The following DMXL1 variants were observed in gnomAD, a reference collection of about 807,000 sequenced individuals.
DMXL1 encodes the protein dmX-like protein 1.
DMXL1 carries 99 observed loss-of-function variants against 319.2 expected under a neutral mutation model. That is an observed-to-expected ratio of 0.31 (90% confidence interval 0.26 to 0.37). The LOEUF (loss-of-function observed/expected upper bound fraction) is 0.37. Among genes scored for constraint, DMXL1 ranks in the 10% least tolerant of loss-of-function variants. DMXL1 has a pLI of 1.00. For missense variants in DMXL1, 3,745 were observed against 3,595.6 expected, an observed-to-expected ratio of 1.04 and a Z score of -1.06; for synonymous variants, 1,385 against 1,235.2, an observed-to-expected ratio of 1.12 and a Z score of -2.54.
chr5:119,198,458 T>G (rs1209343116), intron 32 of DMXL1, among the ~76,000 whole-genome samples: 1 of 152,240 alleles, frequency 6.6e-6, no homozygotes, highest in African/African-American at 2.4e-5. Context: ...AGGCTAGATT[T>G]GGACTGTGAG....
chr5:119,194,071 A>T, intron 30 of DMXL1, 101 bp downstream of exon 30: 3 of 743,636 alleles, frequency 4.0e-6, no homozygotes, highest in Non-Finnish European at 5.9e-6. Context: ...TGTTGACTTT[A>T]TAACACATTA....
At chr5:119,094,580 C>G (rs2149763132) in intron 1 of DMXL1, among the ~76,000 whole-genome samples, 1 of 152,270 alleles carries the variant, frequency 6.6e-6, no homozygotes, top group East Asian at 1.9e-4. Context: ...AGAAATGCTT[C>G]CAACTTTTAA....
intron 19 of DMXL1, among the ~76,000 whole-genome samples, chr5:119,158,172 G>A (rs1482204490): frequency 6.7e-6 from 1 of 148,872 alleles, no homozygotes; most frequent in African/African-American, 2.5e-5. Flanking sequence ...GATTACAGAT[G>A]TGAGCCACCG....
chr5:119,169,220 T>A (rs1195468042), intron 23 of DMXL1, among the ~76,000 whole-genome samples: 3 of 152,224 alleles, frequency 2.0e-5, no homozygotes, highest in African/African-American at 7.2e-5. Flanking sequence ...ATGTAAAAAT[T>A]GTATTTTGAT....
At chr5:119,181,371 A>G (rs146111301) in intron 28 of DMXL1, among the ~76,000 whole-genome samples, 25 of 152,354 alleles carry the variant, frequency 1.6e-4, no homozygotes, top group African/African-American at 6.0e-4. Flanking sequence ...GAGTACCCAG[A>G]AAGTATTCTA....
chr5:119,225,249 C>G (rs934667972), intron 38 of DMXL1, among the ~76,000 whole-genome samples: 3 of 151,862 alleles, frequency 2.0e-5, no homozygotes, highest in Non-Finnish European at 4.4e-5. Context: ...TTTTATGAGA[C>G]ACATTAATAG....
intron 32 of DMXL1, among the ~76,000 whole-genome samples, chr5:119,199,245 C>T (rs1581274405): frequency 6.6e-6 from 1 of 152,210 alleles, no homozygotes; most frequent in East Asian, 1.9e-4. Context: ...CAAGTAGACC[C>T]CACTGTCTGT....
chr5:119,112,889 G>C (rs958504441), intron 5 of DMXL1, among the ~76,000 whole-genome samples: 5 of 151,766 alleles, frequency 3.3e-5, no homozygotes, highest in Admixed American at 6.6e-5. Context: ...CCCGGTGGTG[G>C]AGGTTACAAT....
At chr5:119,132,700 T>C in intron 10 of DMXL1, 2 of 462,250 alleles carry the variant, frequency 4.3e-6, no homozygotes, top group Non-Finnish European at 4.3e-6. Flanking sequence ...ATGGAGCAAG[T>C]CCCTTTTCTG....
chr5:119,184,087 T>A (rs1777261301), intron 28 of DMXL1, among the ~76,000 whole-genome samples: 1 of 143,222 alleles, frequency 7.0e-6, no homozygotes, highest in Non-Finnish European at 1.5e-5. Flanking sequence ...AGGGTCTTGC[T>A]CTGTCGCCCA....
chr5:119,167,188 C>A (rs369105498), intron 22 of DMXL1, among the ~76,000 whole-genome samples: 7 of 152,128 alleles, frequency 4.6e-5, no homozygotes, highest in Admixed American at 4.6e-4. Flanking sequence ...TACAACATTT[C>A]TGTCTCAAAT....
chr5:119,210,009 C>T (rs1283545327), intron 34 of DMXL1, among the ~76,000 whole-genome samples: 2 of 152,108 alleles, frequency 1.3e-5, no homozygotes, highest in East Asian at 3.9e-4. Context: ...TGCTCTGTTG[C>T]CTATGCTGGA....
chr5:119,171,706 C>A, intron 24 of DMXL1, 72 bp from the exon 25 acceptor site: 1 of 1,238,640 alleles, frequency 8.1e-7, no homozygotes, highest in Non-Finnish European at 1.1e-6. Flanking sequence ...TTTAAAGAGC[C>A]CTTGATTTAC....
chr5:119,098,400 C>T (rs936168278), intron 2 of DMXL1, among the ~76,000 whole-genome samples: 6 of 150,998 alleles, frequency 4.0e-5, no homozygotes, highest in African/African-American at 1.5e-4. Flanking sequence ...AAAGGAGTAA[C>T]AATGAATCTT....
intron 23 of DMXL1, among the ~76,000 whole-genome samples, chr5:119,168,739 A>G (rs901736382): frequency 6.6e-6 from 1 of 151,590 alleles, no homozygotes; most frequent in East Asian, 1.9e-4. Flanking sequence ...AAAAAATTAG[A>G]CACAGTATCT....
intron 5 of DMXL1, among the ~76,000 whole-genome samples, chr5:119,110,712 C>T (rs1434756853): frequency 6.6e-6 from 1 of 152,086 alleles, no homozygotes; most frequent in Non-Finnish European, 1.5e-5. Flanking sequence ...ATGGGAAAGT[C>T]AGAGAAATTC....
At chr5:119,108,221 G>T (rs182800625) in intron 4 of DMXL1, among the ~76,000 whole-genome samples, 81 of 152,192 alleles carry the variant, frequency 5.3e-4, no homozygotes, top group African/African-American at 1.8e-3. Context: ...AAAAGTGATT[G>T]TTCTAGAAAT....
At chr5:119,237,098 T>C (rs1046156850) in intron 39 of DMXL1, 1 of 287,296 alleles carries the variant, frequency 3.5e-6, no homozygotes, top group Admixed American at 4.6e-5. Context: ...GCTACTGTAA[T>C]AAAATGGGTG....
At chr5:119,196,037 A>C (rs1779557746) in intron 30 of DMXL1, among the ~76,000 whole-genome samples, 1 of 151,842 alleles carries the variant, frequency 6.6e-6, no homozygotes, top group South Asian at 2.1e-4. Context: ...GTGTTCTGCT[A>C]CCTGCTTTTT....
Sources: allele counts gnomAD v4.1 joint callset (sites outside exome capture counted in the v4.1 genomes callset), GRCh38; gene constraint gnomAD v4.1.1; transcripts MANE v1.5; gene names NCBI Gene and HGNC (gene_info 2026-07-23, HGNC 2026-07-21).